Variants in SEMA3D observed in about 807,000 individuals in gnomAD.
SEMA3D encodes semaphorin-3D.
In SEMA3D, 84 loss-of-function variants were observed where a neutral mutation model predicts 100.1. The observed-to-expected ratio is 0.84, with a 90% CI of 0.70 to 1.01. The LOEUF is 1.01. Ranked by LOEUF, SEMA3D falls within the 50% of genes least tolerant of loss-of-function variation. The pLI, the probability that SEMA3D is intolerant of heterozygous loss-of-function variation, is 0.00. For missense variants in SEMA3D, 875 were observed against 934.1 expected, an observed-to-expected ratio of 0.94 and a Z score of 0.82; for synonymous variants, 312 against 320.7, an observed-to-expected ratio of 0.97 and a Z score of 0.29.
At chr7:85,108,830 G>C (rs1437539826) in intron 3 of SEMA3D, among the ~76,000 whole-genome samples, 1 of 151,662 alleles carries the variant, frequency 6.6e-6, no homozygotes, top group Non-Finnish European at 1.5e-5. Context: ...TTAATTGCTA[G>C]AAGTGATCAA....
rs1235598890 is a variant in SEMA3D, at chr7:84,996,275, T to C, written c.*3165A>G. ...TATTGTTTAGCTGAGTCTGTAAAAT[T>C]CAGCAGGAACAAAACATACTAGAAT... On this transcript the variant is annotated 3_prime_UTR_variant, in exon 19 of 19. Coordinates refer to ENST00000284136, the MANE Select transcript of SEMA3D (RefSeq NM_001384900.1). 6.6e-6 allele frequency: 1 copy of C among 152,040 alleles called. No homozygotes were observed. Among genetic ancestry groups the C allele is most frequent in the African/African-American group, 2.4e-5 (1 of 41,454 alleles). 9.4% of individuals were successfully genotyped at this position (152,040 alleles called of 1,614,324 possible).
intron 1 of SEMA3D, among the ~76,000 whole-genome samples, chr7:85,172,257 T>C (rs1287337330): frequency 6.6e-6 from 1 of 151,974 alleles, no homozygotes; most frequent in South Asian, 2.1e-4. Context: ...TTTCTGTAGA[T>C]AGGGTTTTGT....
chr7:85,065,164 G>A (rs1791580315), intron 8 of SEMA3D, among the ~76,000 whole-genome samples: 1 of 152,114 alleles, frequency 6.6e-6, no homozygotes, highest in African/African-American at 2.4e-5. Context: ...ATATATCCCA[G>A]ATGTCATTGT....
intron 3 of SEMA3D, among the ~76,000 whole-genome samples, chr7:85,098,693 A>C (rs1412136006): frequency 6.6e-6 from 1 of 151,786 alleles, no homozygotes; most frequent in African/African-American, 2.4e-5. Context: ...TAATCTTCCA[A>C]ACTTTATAGT....
At chr7:85,234,621 A>G in the SEMA3D span, among the ~76,000 whole-genome samples, 1 of 152,226 alleles carries the variant, frequency 6.6e-6, no homozygotes. Context: ...AATTTATGAA[A>G]GGATTATAAA....
the SEMA3D span, among the ~76,000 whole-genome samples, chr7:85,195,659 T>G: frequency 6.6e-6 from 1 of 152,064 alleles, no homozygotes. Context: ...TCAGCGCTGA[T>G]TTTTCCCAGA....
Position 84,999,390 on chromosome 7 carries a change from G to A in SEMA3D, c.*50C>T, listed in dbSNP as rs753838896. ...ACTATAAGGGATATACAAAACAGAA[G>A]GCAATGTTTTTATAGGTAAGGAATT... is the stretch of plus-strand genomic sequence containing the variant. On this transcript the variant is annotated 3_prime_UTR_variant, in exon 19 of 19. Coordinates refer to ENST00000284136, the MANE Select transcript of SEMA3D (RefSeq NM_001384900.1). The A allele has an allele frequency of 5.6e-6, 8 of 1,437,812 alleles. No individual in the cohort carries two copies. Among genetic ancestry groups the A allele is most frequent in the Middle Eastern group, 3.7e-4 (2 of 5,412 alleles). The allele number at this position is 1,437,812 out of a possible 1,614,324, so 89.1% of individuals were successfully genotyped here.
intron 4 of SEMA3D, among the ~76,000 whole-genome samples, chr7:85,083,593 C>A (rs1442914536): frequency 1.3e-5 from 2 of 152,042 alleles, no homozygotes; most frequent in African/African-American, 2.4e-5. Flanking sequence ...GCCTGTAATC[C>A]CAGCATTTTG....
chr7:85,166,305 G>C (rs1402129070), intron 1 of SEMA3D, among the ~76,000 whole-genome samples: 1 of 151,918 alleles, frequency 6.6e-6, no homozygotes, highest in Non-Finnish European at 1.5e-5. Flanking sequence ...TCCTAACTTG[G>C]TTAGGGCTTA....
chr7:85,221,010 G>A, the SEMA3D span, among the ~76,000 whole-genome samples: 2 of 152,070 alleles, frequency 1.3e-5, no homozygotes, highest in Non-Finnish European at 2.9e-5. Context: ...GTATAACAGT[G>A]ATGAGGGAGT....
At chr7:85,095,280 G>A (rs536588878) in intron 4 of SEMA3D, among the ~76,000 whole-genome samples, 1 of 152,048 alleles carries the variant, frequency 6.6e-6, no homozygotes, top group Admixed American at 6.6e-5. Context: ...AATGCCCATG[G>A]CAAATATGAA....
intron 12 of SEMA3D, among the ~76,000 whole-genome samples, chr7:85,033,177 G>C (rs182260870): frequency 6.6e-6 from 1 of 152,156 alleles, no homozygotes; most frequent in Admixed American, 6.5e-5. Flanking sequence ...AAATAATTTT[G>C]AACTTTTCAA....
intron 3 of SEMA3D, among the ~76,000 whole-genome samples, chr7:85,105,305 A>G (rs76293026): frequency 0.012 from 1,895 of 152,106 alleles, 38 homozygotes; most frequent in African/African-American, 0.042. Context: ...ACTTCCAGAA[A>G]TACTACAGCT....
At chr7:85,032,932 C>T (rs1009679585) in intron 12 of SEMA3D, among the ~76,000 whole-genome samples, 9 of 151,732 alleles carry the variant, frequency 5.9e-5, no homozygotes, top group East Asian at 1.9e-4. Flanking sequence ...ATAGGGGCTA[C>T]GGTGGAAAGA....
chr7:85,170,953 T>C (rs1372773160), intron 1 of SEMA3D, among the ~76,000 whole-genome samples: 2 of 152,074 alleles, frequency 1.3e-5, no homozygotes, highest in African/African-American at 4.8e-5. Context: ...TTATTTACTC[T>C]CTTTAAAACT....
At chr7:85,041,426 G>C (rs1790861333) in intron 10 of SEMA3D, 1 of 151,988 alleles carries the variant, frequency 6.6e-6, no homozygotes. Flanking sequence ...TTGACAGTAA[G>C]TTATGTGCAA....
chr7:85,242,469 C>G, the SEMA3D span, among the ~76,000 whole-genome samples: 1 of 152,070 alleles, frequency 6.6e-6, no homozygotes, highest in Non-Finnish European at 1.5e-5. Context: ...CATTTAATCT[C>G]CAAGCATTTT....
intron 2 of SEMA3D, among the ~76,000 whole-genome samples, chr7:85,125,815 A>C (rs1483607821): frequency 1.3e-5 from 2 of 150,524 alleles, no homozygotes; most frequent in Non-Finnish European, 3.0e-5. Flanking sequence ...TTGTGTGCAC[A>C]TGTGTGTGTG....
intron 1 of SEMA3D, among the ~76,000 whole-genome samples, chr7:85,160,525 G>A (rs369239107): frequency 6.6e-5 from 10 of 152,176 alleles, no homozygotes; most frequent in East Asian, 3.9e-4. Flanking sequence ...GGGGCGATGC[G>A]GTTTGCCTGA....
Sources: allele counts gnomAD v4.1 joint callset (sites outside exome capture counted in the v4.1 genomes callset), GRCh38; gene constraint gnomAD v4.1.1; transcripts MANE v1.5; gene names NCBI Gene and HGNC (gene_info 2026-07-23, HGNC 2026-07-21).